Variants in TECTA observed in about 807,000 individuals in gnomAD.
TECTA encodes the protein tectorin alpha.
Under a neutral mutation model 216.8 loss-of-function variants are expected in TECTA, and 128 were observed. That is an observed-to-expected ratio of 0.59 (90% confidence interval 0.51 to 0.68). TECTA has a LOEUF of 0.68. TECTA is among the 30% of genes least tolerant of loss of function. The pLI is 0.00. For missense variants in TECTA, 2,551 were observed against 2,786.2 expected (o/e 0.92, Z 1.90); for synonymous variants, 1,089 against 1,117.1 (o/e 0.97, Z 0.50).
At chr11:121,154,656 C>T (rs933842157) in intron 13 of TECTA, among the ~76,000 whole-genome samples, 6 of 152,166 alleles carry the variant, frequency 3.9e-5, no homozygotes, top group Non-Finnish European at 7.3e-5. Flanking sequence ...TCCATCCTAG[C>T]GGTACCACTG....
At chr11:121,140,714 T>A in intron 11 of TECTA, among the ~76,000 whole-genome samples, 1 of 152,156 alleles carries the variant, frequency 6.6e-6, no homozygotes, top group East Asian at 1.9e-4. Flanking sequence ...TTCGTCACCT[T>A]GTGGCAGCAT....
intron 20 of TECTA, among the ~76,000 whole-genome samples, chr11:121,181,163 C>CA (rs201008499): frequency 6.6e-6 from 1 of 151,530 alleles, no homozygotes; most frequent in Admixed American, 6.6e-5. Flanking sequence ...GACTCCGTCT[C>CA]AAAAAAAATA....
chr11:121,131,353 C>A (rs1203122237), intron 10 of TECTA, among the ~76,000 whole-genome samples: 2 of 151,968 alleles, frequency 1.3e-5, no homozygotes, highest in African/African-American at 2.4e-5. Flanking sequence ...GTCTACCATT[C>A]TCTCAGATTC....
Position 121,152,989 on chromosome 11 carries a change from G to T in TECTA, c.4214G>T (p.Gly1405Val), listed in dbSNP as rs1216336175. 1 of 1,614,194 alleles carries T rather than the reference G, an allele frequency of 6.2e-7. No homozygotes were observed. Among genetic ancestry groups the T allele is most frequent in the African/African-American group, 1.3e-5 (1 of 75,076 alleles). Residue 1405 changes from glycine to valine, a missense_variant, in exon 13 of 24, where the codon GGC (glycine) becomes GTC (valine). Physicochemically the swap from Gly to Val is moderately radical, Grantham distance 109 (BLOSUM62 -3). Coordinates refer to ENST00000392793, the MANE Select transcript of TECTA (RefSeq NM_005422.4). ...KSDCSHYCVE[G>V]CHCDAGYVLN... ...GACTGCAGCCACTACTGCGTGGAGG[G>T]CTGTCACTGCGACGCTGGCTACGTC...
intron 11 of TECTA, among the ~76,000 whole-genome samples, chr11:121,143,979 C>T (rs1053724776): frequency 6.6e-6 from 1 of 152,182 alleles, no homozygotes; most frequent in African/African-American, 2.4e-5. Context: ...CAAAGTGGTT[C>T]CCATGGGGCC....
In TECTA at chr11:121,158,007, G is replaced by C. The variant is rs755434423; in HGVS notation, c.4472G>C (p.Gly1491Ala). The change falls in exon 14 of 24, where the codon GGC becomes GCC. Residue 1491 changes from glycine to alanine, a missense_variant. Coordinates refer to ENST00000392793, the MANE Select transcript of TECTA (RefSeq NM_005422.4). Reference sequence around the variant, plus strand: ...AAGACCTCCTACTGCCTGGCGGCCGGCGGCGGCGTCTTCCGCACCTTCGAC... The same window carrying C: ...AAGACCTCCTACTGCCTGGCGGCCGCCGGCGGCGTCTTCCGCACCTTCGAC... ...STKTSYCLAA[G>A]GGVFRTFDGA... 3 of 1,612,690 alleles carry C rather than the reference G, an allele frequency of 1.9e-6. No individual in the cohort carries two copies. The highest frequency in any genetic ancestry group is 2.7e-5 in the African/African-American group (2 of 74,930).
intron 18 of TECTA, 31 bp from the exon 19 acceptor site, chr11:121,168,023 T>C (rs1276140577): frequency 1.9e-6 from 3 of 1,613,914 alleles, no homozygotes; most frequent in East Asian, 4.5e-5. Flanking sequence ...CTCCCAGATG[T>C]AACGATTTCT....
Position 121,166,673 on chromosome 11 carries a change from A to C in TECTA, c.5479A>C (p.Arg1827=). The C allele has an allele frequency of 6.2e-7, 1 of 1,614,194 alleles. No individual in the cohort carries two copies. The highest frequency in any genetic ancestry group is 2.2e-5 in the East Asian group (1 of 44,880). ...CAAGCTCTTCCAGCTCGGTTTTGAG[A>C]GGGAGGGCGTGAGGATCAATGACAG... ...KCKLFQLGFE[R]EGVRINDRQC... The change falls in exon 18 of 24, where the codon AGG becomes CGG. Residue 1827 remains arginine (R), a synonymous_variant. Transcript: ENST00000392793.
At chr11:121,157,748 G>T (rs1467482017) in intron 13 of TECTA, 93 bp from the exon 14 acceptor site, 3 of 1,591,234 alleles carry the variant, frequency 1.9e-6, no homozygotes, top group Non-Finnish European at 2.6e-6. Context: ...AGATAGGCTA[G>T]CCAAGCCTGA....
chr11:121,163,766 C>A (rs1947025165), intron 16 of TECTA, among the ~76,000 whole-genome samples: 1 of 152,172 alleles, frequency 6.6e-6, no homozygotes, highest in East Asian at 1.9e-4. Context: ...GATGGACCAC[C>A]ACGTTTGTAA....
At chr11:121,135,348 C>A (rs1946715390) in intron 10 of TECTA, among the ~76,000 whole-genome samples, 1 of 152,230 alleles carries the variant, frequency 6.6e-6, no homozygotes, top group African/African-American at 2.4e-5. Context: ...TACTCCACGT[C>A]TGTGTGTTCC....
At position 121,151,087 on chromosome 11, in the gene TECTA, C is replaced by T. The variant is rs539812061; in HGVS notation, c.4106-1794C>T. On this transcript the variant is annotated intron_variant, in intron 12 of 23. Coordinates refer to ENST00000392793, the MANE Select transcript of TECTA (RefSeq NM_005422.4). ...AACAAATGAGAACAAGAGGATCAACCTCACAAAGAAATGCAAACTAAATAA... is the reference window on the plus strand; with the variant it reads ...AACAAATGAGAACAAGAGGATCAACTTCACAAAGAAATGCAAACTAAATAA... Among the ~76,000 whole-genome samples, 190 of 152,136 alleles carry T rather than the reference C, an allele frequency of 1.2e-3. 2 individuals carry two copies. Among genetic ancestry groups the T allele is most frequent in the Admixed American group, 3.9e-3 (60 of 15,288 alleles).
At chr11:121,115,652 G>A (rs1291040121) in intron 6 of TECTA, among the ~76,000 whole-genome samples, 1 of 152,054 alleles carries the variant, frequency 6.6e-6, no homozygotes, top group Non-Finnish European at 1.5e-5. Flanking sequence ...TGTTGTTGTT[G>A]TTGTTTTTTG....
intron 16 of TECTA, among the ~76,000 whole-genome samples, chr11:121,163,680 A>T (rs537167612): frequency 4.3e-4 from 66 of 152,330 alleles, no homozygotes; most frequent in Middle Eastern, 3.4e-3. Flanking sequence ...TCAGGAATTT[A>T]AAAAAATACA....
intron 9 of TECTA, among the ~76,000 whole-genome samples, chr11:121,129,133 C>A (rs1391385643): frequency 6.6e-6 from 1 of 152,184 alleles, no homozygotes; most frequent in South Asian, 2.1e-4. Context: ...TGTTTTTATT[C>A]TCATTGCCAC....
chr11:121,173,264 C>T (rs1430005499), intron 20 of TECTA, among the ~76,000 whole-genome samples: 1 of 150,726 alleles, frequency 6.6e-6, no homozygotes, highest in Non-Finnish European at 1.5e-5. Context: ...AGTCCTTGCC[C>T]ATGCCTATGT....
intron 23 of TECTA, 41 bp downstream of exon 23, chr11:121,189,921 C>A: frequency 6.5e-7 from 1 of 1,543,986 alleles, no homozygotes; most frequent in Middle Eastern, 2.3e-4. Context: ...CTGGGAGACA[C>A]GGGAGGTTCT....
At position 121,158,002 on chromosome 11, in the gene TECTA, G is replaced by T. The variant is rs1555127484; in HGVS notation, c.4467G>T (p.Ala1489=). ...GCACCAAGACCTCCTACTGCCTGGCGGCCGGCGGCGGCGTCTTCCGCACCT... is the reference window on the plus strand; with the variant it reads ...GCACCAAGACCTCCTACTGCCTGGCTGCCGGCGGCGGCGTCTTCCGCACCT... The part of the protein sequence containing the change: ...CFSTKTSYCL[A]AGGGVFRTFD... The change falls in exon 14 of 24, where the codon GCG becomes GCT. Residue 1489 remains alanine (A), a synonymous_variant. Coordinates refer to ENST00000392793, the MANE Select transcript of TECTA (RefSeq NM_005422.4). 6.2e-7 allele frequency: 1 copy of T among 1,612,910 alleles called. No individual in the cohort carries two copies. Among genetic ancestry groups the T allele is most frequent in the South Asian group, 1.1e-5 (1 of 91,068 alleles).
At chr11:121,180,788 A>G (rs1426228676) in intron 20 of TECTA, among the ~76,000 whole-genome samples, 1 of 147,070 alleles carries the variant, frequency 6.8e-6, no homozygotes, top group East Asian at 2.0e-4. Context: ...TATTTAACAT[A>G]GGATTTCTTC....
Sources: gnomAD v4.1 joint callset for allele counts (sites outside exome capture counted in the v4.1 genomes callset) on GRCh38, gnomAD v4.1.1 for gene constraint, MANE v1.5 for transcripts, NCBI Gene and HGNC (gene_info 2026-07-23, HGNC 2026-07-21) for gene names.